The following CHD2 variants were observed in gnomAD, a reference collection of about 807,000 sequenced individuals.
CHD2 encodes chromodomain helicase DNA binding protein 2.
Under a neutral mutation model 243.9 loss-of-function variants are expected in CHD2, and 28 were observed. The ratio of observed to expected loss-of-function variants is 0.11; its 90% CI spans 0.09 to 0.16. The LOEUF is 0.16. Ranked by LOEUF, CHD2 falls within the 10% of genes least tolerant of loss-of-function variation. CHD2 has a pLI of 1.00. For synonymous variants in CHD2, 775 were observed against 779.0 expected (o/e 0.99, Z 0.09); for missense variants, 1,386 against 2,209.8 (o/e 0.63, Z 7.47).
intron 2 of CHD2, chr15:92,904,389 A>C (rs1005414008): frequency 2.1e-6 from 2 of 951,802 alleles, no homozygotes; most frequent in African/African-American, 3.5e-5. Context: ...CCGTGACGTC[A>C]GACGGCTCCC....
intron 12 of CHD2, among the ~76,000 whole-genome samples, 197 bp from the exon 13 acceptor site, chr15:92,948,755 C>G (rs561304112): frequency 5.3e-5 from 8 of 152,242 alleles, no homozygotes; most frequent in Non-Finnish European, 8.8e-5. Flanking sequence ...AGGAGAATGG[C>G]GTGAACCCGG....
chr15:93,000,362 G>A (rs2054239163), intron 31 of CHD2, 150 bp from the exon 32 acceptor site: 3 of 764,766 alleles, frequency 3.9e-6, no homozygotes, highest in East Asian at 2.7e-5. Context: ...GGTCTTGTGA[G>A]GTAAAATGAG....
intron 24 of CHD2, among the ~76,000 whole-genome samples, chr15:92,983,365 T>G (rs1211036946): frequency 6.6e-6 from 1 of 152,236 alleles, no homozygotes; most frequent in Non-Finnish European, 1.5e-5. Flanking sequence ...GTTAAATTCC[T>G]TACTGCATGA....
At chr15:92,926,086 C>T (rs2053055805) in intron 3 of CHD2, among the ~76,000 whole-genome samples, 1 of 152,180 alleles carries the variant, frequency 6.6e-6, no homozygotes, top group Non-Finnish European at 1.5e-5. Flanking sequence ...ATCCTCCCAC[C>T]TCAGCCTCCC....
chr15:92,933,027 C>A (rs2053201447), intron 5 of CHD2, among the ~76,000 whole-genome samples: 1 of 143,282 alleles, frequency 7.0e-6, no homozygotes, highest in African/African-American at 2.6e-5. Flanking sequence ...ATAAGATGAG[C>A]CACCGCGCCC....
intron 37 of CHD2, among the ~76,000 whole-genome samples, chr15:93,019,535 T>C (rs2054505470): frequency 6.6e-6 from 1 of 152,310 alleles, no homozygotes; most frequent in South Asian, 2.1e-4. Flanking sequence ...GTTTGTAACA[T>C]GTGTCAGGCT....
intron 2 of CHD2, among the ~76,000 whole-genome samples, chr15:92,917,969 G>C (rs1439564262): frequency 6.7e-6 from 1 of 150,310 alleles, no homozygotes; most frequent in Non-Finnish European, 1.5e-5. Context: ...TGTTTTGCCA[G>C]ATTTTGCTTT....
At chr15:92,989,805 G>C (rs931180222) in intron 26 of CHD2, among the ~76,000 whole-genome samples, 1 of 152,204 alleles carries the variant, frequency 6.6e-6, no homozygotes, top group Non-Finnish European at 1.5e-5. Flanking sequence ...GAGATCCTCT[G>C]CTTCTGAGAG....
chr15:92,904,458 C>G (rs867437949), intron 2 of CHD2: 2 of 988,958 alleles, frequency 2.0e-6, no homozygotes, highest in African/African-American at 1.7e-5. Flanking sequence ...CGGGCGCTTT[C>G]TCCTCCCCCT....
intron 12 of CHD2, among the ~76,000 whole-genome samples, chr15:92,948,402 TG>T (rs2053504689): frequency 6.6e-6 from 1 of 152,198 alleles, no homozygotes; most frequent in African/African-American, 2.4e-5. Context: ...TGCTATTTAA[TG>T]ATGTTCATAG....
rs1417173297 is a variant in CHD2 at position 92,996,291 on chromosome 15, C to CT, written c.3596-665dup. Among the ~76,000 whole-genome samples the CT allele has an allele frequency of 2.6e-5, 4 of 151,186 alleles. No homozygotes were observed. In the East Asian group the frequency reaches 7.8e-4, roughly 30 times the overall value. ...TCTCCTGCCTCAGCCTCACGAGTGG[C>CT]TGGGACTACAGGCGCCCACCACCAC... On this transcript the variant is annotated intron_variant, in intron 28 of 38. Coordinates refer to ENST00000394196, the MANE Select transcript of CHD2 (RefSeq NM_001271.4).
intron 16 of CHD2, among the ~76,000 whole-genome samples, chr15:92,963,429 C>T (rs189380837): frequency 1.4e-4 from 21 of 152,174 alleles, no homozygotes; most frequent in African/African-American, 3.6e-4. Flanking sequence ...AACTTTGCCC[C>T]GCTGTAGCTC....
chr15:92,940,968 TAA>T lies in CHD2; in HGVS notation c.693-852_693-851del, dbSNP rs377365175. 1.6e-4 allele frequency among the ~76,000 whole-genome samples: 5 copies of T among 31,130 alleles called. No homozygotes were observed. The Admixed American group carries it at 2.2e-3, about 13-fold the overall frequency. The allele number at this position is 31,130 out of a possible 152,430, so 20.4% of individuals were successfully genotyped here. ...ATATAAATATAAATATATATAAATATAAATATAAATATAAATATATATATAAA... is the reference window on the plus strand; with the variant it reads ...ATATAAATATAAATATATATAAATATATATAAATATAAATATATATATAAA... On this transcript the variant is annotated intron_variant, in intron 7 of 38. Coordinates refer to ENST00000394196, the MANE Select transcript of CHD2 (RefSeq NM_001271.4).
chr15:92,982,426 C>T (rs1567151588), intron 24 of CHD2, among the ~76,000 whole-genome samples: 1 of 152,130 alleles, frequency 6.6e-6, no homozygotes, highest in Admixed American at 6.5e-5. Context: ...TGCCGTGGAG[C>T]CAGTCAGCAG....
At chr15:92,914,776 A>C (rs2052803118) in intron 2 of CHD2, among the ~76,000 whole-genome samples, 1 of 152,198 alleles carries the variant, frequency 6.6e-6, no homozygotes, top group South Asian at 2.1e-4. Flanking sequence ...ATTGATTAAC[A>C]AATTAGGTAG....
intron 24 of CHD2, among the ~76,000 whole-genome samples, chr15:92,984,112 T>C (rs961945478): frequency 2.0e-5 from 3 of 152,210 alleles, no homozygotes; most frequent in African/African-American, 7.2e-5. Context: ...TTCTCTGCTT[T>C]TCAGTAAAAT....
At chr15:92,999,083 CAAAAAAAAAAAAAAAAAAAAAAA>C (rs55738843) in intron 31 of CHD2, among the ~76,000 whole-genome samples, 3 of 65,542 alleles carry the variant, frequency 4.6e-5, no homozygotes, top group Admixed American at 4.3e-4. Context: ...GACTCCGTCT[CAAAAAAAAAAAAAAAAAAAAAAA>C]AAAAAAAAAA....
chr15:92,979,008 A>G (rs1427630264), intron 21 of CHD2, 127 bp from the exon 22 acceptor site: 1 of 1,214,286 alleles, frequency 8.2e-7, no homozygotes, highest in Non-Finnish European at 1.1e-6. Context: ...ACAGTCTTCT[A>G]TGGTTAGAGA....
intron 2 of CHD2, among the ~76,000 whole-genome samples, chr15:92,921,767 C>G (rs1436998571): frequency 6.6e-6 from 1 of 152,088 alleles, no homozygotes; most frequent in African/African-American, 2.4e-5. Flanking sequence ...ATTAGATGTT[C>G]TTATGACACT....
Sources: gnomAD v4.1 joint callset for allele counts (sites outside exome capture counted in the v4.1 genomes callset) on GRCh38, gnomAD v4.1.1 for gene constraint, MANE v1.5 for transcripts, NCBI Gene and HGNC (gene_info 2026-07-23, HGNC 2026-07-21) for gene names.